CASQ1: variants seen among roughly 807,000 people sequenced by gnomAD.
CASQ1 encodes the protein calsequestrin-1.
In CASQ1, 40 loss-of-function variants were observed where a neutral mutation model predicts 49.5. That is an observed-to-expected ratio of 0.81 (90% CI 0.63 to 1.05). CASQ1 has a LOEUF of 1.05. Ranked by LOEUF, CASQ1 falls within the 50% of genes least tolerant of loss-of-function variation. The probability of loss-of-function intolerance (pLI) is 0.00; values close to 1 mark genes in which losing one functional copy is unlikely to be tolerated. For missense variants in CASQ1, 469 were observed against 486.9 expected (o/e 0.96, Z 0.35); for synonymous variants, 174 against 187.2 (o/e 0.93, Z 0.58).
Position 160,190,879 on chromosome 1 carries a change from A to G in CASQ1, c.128A>G (p.Tyr43Cys). Reference protein sequence around the residue: ...QGQEGLDFPEYDGVDRVINVN... With the variant: ...QGQEGLDFPECDGVDRVINVN... ...CAGGAAGGGCTGGACTTCCCTGAGT[A>G]CGATGGTGTGGACCGTGTGATCAAT... The change falls in exon 1 of 11, where the codon TAC becomes TGC. Residue 43 changes from tyrosine (Y) to cysteine (C), a missense_variant. Physicochemically the swap from Tyr to Cys is radical, Grantham distance 194 (BLOSUM62 -2). Transcript: ENST00000368078. The G allele has an allele frequency of 6.2e-7, 1 of 1,614,248 alleles. No individual in the cohort carries two copies. The highest frequency in any genetic ancestry group is 8.5e-7 in the Non-Finnish European group (1 of 1,180,042).
intron 10 of CASQ1, among the ~76,000 whole-genome samples, chr1:160,200,607 CA>C (rs1654347950): frequency 6.6e-6 from 1 of 152,118 alleles, no homozygotes; most frequent in African/African-American, 2.4e-5. Context: ...AAAGCAAGAT[CA>C]AAAGTTAAAA....
At chr1:160,191,530 G>A (rs1654075710) in intron 1 of CASQ1, among the ~76,000 whole-genome samples, 1 of 152,120 alleles carries the variant, frequency 6.6e-6, no homozygotes, top group Non-Finnish European at 1.5e-5. Flanking sequence ...TAGAGATCAT[G>A]CCTCCCATTG....
chr1:160,195,636 C>T, intron 5 of CASQ1, 102 bp downstream of exon 5: 2 of 1,022,900 alleles, frequency 2.0e-6, no homozygotes, highest in South Asian at 2.7e-5. Context: ...TTCCTACGTG[C>T]TGGCACTCCC....
In CASQ1 at chr1:160,190,647, C is replaced by T; in HGVS notation, c.-105C>T. 2 of 1,067,990 alleles carry T rather than the reference C, an allele frequency of 1.9e-6. No individual in the cohort carries two copies. Among genetic ancestry groups the T allele is most frequent in the Non-Finnish European group, 2.7e-6 (2 of 740,898 alleles). 66.2% of individuals were successfully genotyped at this position (1,067,990 alleles called of 1,614,324 possible). A position where few individuals can be genotyped will look rare whatever the true frequency, so the allele number is the denominator to read the frequency against. ...TGCTCTGGGCCATTCCCCAATCCCC[C>T]CTCCCACTTGAGCCCCTAACTCAGA... On this transcript the variant is annotated 5_prime_UTR_variant, in exon 1 of 11. Coordinates refer to ENST00000368078, the MANE Select transcript of CASQ1 (RefSeq NM_001231.5).
In CASQ1 at chr1:160,190,619, C is replaced by T; in HGVS notation, c.-133C>T. ...CCAGGACCCAGCAGTGCCCTCTGTC[C>T]ACTGCTCTGGGCCATTCCCCAATCC... On this transcript the variant is annotated 5_prime_UTR_variant, in exon 1 of 11. Coordinates refer to ENST00000368078, the MANE Select transcript of CASQ1 (RefSeq NM_001231.5). 1.2e-6 allele frequency: 1 copy of T among 801,338 alleles called. No individual in the cohort carries two copies. Among genetic ancestry groups the T allele is most frequent in the East Asian group, 2.7e-5 (1 of 37,242 alleles). 49.6% of individuals were successfully genotyped at this position (801,338 alleles called of 1,614,324 possible). A position where few individuals can be genotyped will look rare whatever the true frequency, so the allele number is the denominator to read the frequency against.
chr1:160,195,658 C>CA (rs200666201), intron 5 of CASQ1, 124 bp downstream of exon 5: 39 of 825,724 alleles, frequency 4.7e-5, no homozygotes, highest in Middle Eastern at 2.6e-4. Context: ...ACCTGCCCCC[C>CA]CCCCCGGCTC....
intron 9 of CASQ1, among the ~76,000 whole-genome samples, chr1:160,199,471 G>A (rs1654320611): frequency 6.6e-6 from 1 of 152,206 alleles, no homozygotes; most frequent in Non-Finnish European, 1.5e-5. Flanking sequence ...AGAACAAAGA[G>A]AAACGTGAGA....
intron 6 of CASQ1, among the ~76,000 whole-genome samples, chr1:160,196,591 CCT>C (rs1654248145): frequency 6.6e-6 from 1 of 152,080 alleles, no homozygotes; most frequent in African/African-American, 2.4e-5. Context: ...GATTCTCCTT[CCT>C]CAGCCTCCCA....
Position 160,193,782 on chromosome 1 carries a change from G to C in CASQ1, c.400G>C (p.Gly134Arg). The change falls in exon 3 of 11, where the codon GGA (glycine) becomes CGA (arginine). Residue 134 changes from glycine (G) to arginine (R), a missense_variant. By Grantham distance (125) the Gly-to-Arg change is moderately radical (BLOSUM62 -2). Transcript: ENST00000368078. ...TEVDSMYVFK[G>R]DEVIEYDGEF... The stretch of plus-strand genomic sequence containing the variant: ...AGTGGACAGCATGTATGTATTCAAG[G>C]GAGATGAAGTCATTGAGTACGATGG... The C allele has an allele frequency of 6.2e-7, 1 of 1,612,814 alleles. No individual in the cohort carries two copies. Among genetic ancestry groups the C allele is most frequent in the Non-Finnish European group, 8.5e-7 (1 of 1,179,144 alleles).
At position 160,195,268 on chromosome 1, in the gene CASQ1, T is replaced by C. The variant is rs1654190174; in HGVS notation, c.577+145T>C. ...AGCCGTGGTCAGCACCATCAACAGC[T>C]CTGACCTCCCTGTACTCTGGGGGTT... On this transcript the variant is annotated intron_variant, in intron 4 of 10. Coordinates refer to ENST00000368078, the MANE Select transcript of CASQ1 (RefSeq NM_001231.5). The C allele has an allele frequency of 4.1e-6, 3 of 729,208 alleles. No individual in the cohort carries two copies. In the East Asian group the frequency reaches 8.0e-5, roughly 19 times the overall value. 45.2% of individuals were successfully genotyped at this position (729,208 alleles called of 1,614,324 possible).
Position 160,195,046 on chromosome 1 carries a change from A to C in CASQ1, c.500A>C (p.Glu167Ala). ...GACCCTGTGGAATTGATTGAAGGTG[A>C]ACGAGAGCTGCAGGCGTTTGAGAAT... ...LEDPVELIEG[E>A]RELQAFENIE... is the part of the protein sequence containing the mutation. The change falls in exon 4 of 11, where the codon GAA becomes GCA. Residue 167 changes from glutamate to alanine, a missense_variant. Transcript: ENST00000368078. 1 of 1,613,108 alleles carries C rather than the reference A, an allele frequency of 6.2e-7. No homozygotes were observed.
At chr1:160,196,446 G>A (rs1357454223) in intron 6 of CASQ1, among the ~76,000 whole-genome samples, 4 of 151,448 alleles carry the variant, frequency 2.6e-5, no homozygotes, top group South Asian at 2.1e-4. Context: ...ACCCTGATGT[G>A]TCCCATGTTT....
At chr1:160,195,656 C>CA (rs904627044) in intron 5 of CASQ1, 122 bp downstream of exon 5, 3 of 842,606 alleles carry the variant, frequency 3.6e-6, no homozygotes, top group African/African-American at 1.7e-5. Context: ...CTACCTGCCC[C>CA]CCCCCCCGGC....
chr1:160,195,661 C>CA (rs964901590), intron 5 of CASQ1, 127 bp downstream of exon 5: 9 of 782,914 alleles, frequency 1.1e-5, no homozygotes, highest in Admixed American at 4.2e-5. Flanking sequence ...TGCCCCCCCC[C>CA]CCGGCTCCTC....
intron 6 of CASQ1, among the ~76,000 whole-genome samples, chr1:160,196,392 G>A (rs891631479): frequency 1.3e-5 from 2 of 152,034 alleles, no homozygotes; most frequent in African/African-American, 4.8e-5. Flanking sequence ...CTCAGTGAAA[G>A]TTTCTACAGG....
intron 6 of CASQ1, among the ~76,000 whole-genome samples, chr1:160,197,007 G>A (rs529200721): frequency 5.3e-5 from 8 of 152,280 alleles, no homozygotes; most frequent in African/African-American, 1.9e-4. Context: ...GGCTCCAAAT[G>A]GCAATAGTGC....
chr1:160,191,008 A>G lies in CASQ1; in HGVS notation c.257A>G (p.Glu86Gly). ...GACAAGGCCTCACAAAGACAATTTG[A>G]GATGGAGGAGCTGATCCTGGAGGTG... ...EDDKASQRQF[E>G]MEELILELAA... Residue 86 changes from glutamate to glycine, a missense_variant, in exon 1 of 11, where the codon GAG becomes GGG. Glu to Gly is a moderately conservative substitution (Grantham distance 98). Coordinates refer to ENST00000368078, the MANE Select transcript of CASQ1 (RefSeq NM_001231.5). 1 of 1,614,096 alleles carries G rather than the reference A, an allele frequency of 6.2e-7. No homozygotes were observed. Among genetic ancestry groups the G allele is most frequent in the Non-Finnish European group, 8.5e-7 (1 of 1,179,980 alleles).
At position 160,201,605 on chromosome 1, in the gene CASQ1, T is replaced by C; in HGVS notation, c.*229T>C. ...TCTCTTATCTGACTTCTGTTTCTTA[T>C]CCCATAACTTACTTGTATCTATTAT... On this transcript the variant is annotated 3_prime_UTR_variant, in exon 11 of 11. Transcript: ENST00000368078. 1 of 579,620 alleles carries C rather than the reference T, an allele frequency of 1.7e-6. No individual in the cohort carries two copies. Among genetic ancestry groups the C allele is most frequent in the Non-Finnish European group, 3.1e-6 (1 of 324,018 alleles). The allele number at this position is 579,620 out of a possible 1,614,324, so 35.9% of individuals were successfully genotyped here.
At chr1:160,198,758 G>A (rs766011730) in intron 8 of CASQ1, 27 bp downstream of exon 8, 1 of 1,604,104 alleles carries the variant, frequency 6.2e-7, no homozygotes, top group Non-Finnish European at 8.5e-7. Context: ...GGGTTGGACT[G>A]GAGGGAAGGC....
Sources: gnomAD v4.1 joint callset for allele counts (sites outside exome capture counted in the v4.1 genomes callset) on GRCh38, gnomAD v4.1.1 for gene constraint, MANE v1.5 for transcripts, NCBI Gene and HGNC (gene_info 2026-07-23, HGNC 2026-07-21) for gene names.